Variants in KIAA1217 observed in about 807,000 individuals in gnomAD.
The protein encoded by KIAA1217 is KIAA1217.
A neutral mutation model predicts 163.9 loss-of-function variants in KIAA1217; 88 were observed. The ratio of observed to expected loss-of-function variants is 0.54; its 90% CI spans 0.45 to 0.64. The LOEUF (loss-of-function observed/expected upper bound fraction) is 0.64, where lower values mean the gene tolerates loss of function less well. KIAA1217 is among the 30% of genes least tolerant of loss of function. The pLI is 0.00. For synonymous variants in KIAA1217, 903 were observed against 923.1 expected (o/e 0.98, Z 0.39); for missense variants, 2,372 against 2,475.0 (o/e 0.96, Z 0.88).
At chr10:24,416,331 G>A (rs965558698) in intron 3 of KIAA1217, among the ~76,000 whole-genome samples, 3 of 152,136 alleles carry the variant, frequency 2.0e-5, no homozygotes, top group Non-Finnish European at 4.4e-5. Context: ...GGGTACTCAG[G>A]TATCCACCTC....
intron 3 of KIAA1217, among the ~76,000 whole-genome samples, chr10:24,393,680 G>A (rs1488280167): frequency 2.6e-5 from 4 of 151,960 alleles, no homozygotes; most frequent in Non-Finnish European, 2.9e-5. Flanking sequence ...GTCTTAATCC[G>A]ATATGACTGG....
Position 24,473,952 on chromosome 10 carries a change from C to A in KIAA1217, c.1571C>A (p.Pro524Gln). ...EPGTLVYIEK[P>Q]RSAAGLSSLV... ...GGCACCTTGGTGTATATAGAAAAGC[C>A]ACGGAGCGCTGCAGGATTATCCAGC... The change falls in exon 6 of 21, where the codon CCA (proline) becomes CAA (glutamine). Residue 524 changes from proline to glutamine, a missense_variant. Pro to Gln is a moderately conservative substitution (Grantham distance 76). Coordinates refer to ENST00000376454, the MANE Select transcript of KIAA1217 (RefSeq NM_019590.5). 6.2e-7 allele frequency: 1 copy of A among 1,614,192 alleles called. No homozygotes were observed. The highest frequency in any genetic ancestry group is 8.5e-7 in the Non-Finnish European group (1 of 1,180,048).
At chr10:24,010,270 T>G (rs2131487866) in intron 2 of KIAA1217, among the ~76,000 whole-genome samples, 1 of 152,146 alleles carries the variant, frequency 6.6e-6, no homozygotes, top group Middle Eastern at 3.4e-3. Flanking sequence ...CCCTGAGATC[T>G]TTTGTTCTTG....
At chr10:23,952,735 A>G (rs1844396270) in intron 1 of KIAA1217, among the ~76,000 whole-genome samples, 2 of 152,224 alleles carry the variant, frequency 1.3e-5, no homozygotes, top group Non-Finnish European at 2.9e-5. Context: ...AACAAATGAG[A>G]TGTATGTCAA....
At chr10:24,367,816 T>C (rs967736264) in intron 2 of KIAA1217, among the ~76,000 whole-genome samples, 4 of 152,236 alleles carry the variant, frequency 2.6e-5, no homozygotes, top group African/African-American at 7.2e-5. Flanking sequence ...GGAGGTATAC[T>C]ATGATCCCCA....
intron 1 of KIAA1217, among the ~76,000 whole-genome samples, chr10:23,979,753 TC>T (rs1845689242): frequency 6.6e-6 from 1 of 152,120 alleles, no homozygotes; most frequent in Non-Finnish European, 1.5e-5. Context: ...GCAAGATTAC[TC>T]TCTCCCCTCA....
chr10:24,446,756 C>T (rs2060968730), intron 5 of KIAA1217, among the ~76,000 whole-genome samples: 1 of 152,222 alleles, frequency 6.6e-6, no homozygotes, highest in African/African-American at 2.4e-5. Context: ...ATTTGATTTT[C>T]ACACCTATAC....
chr10:24,051,493 A>G (rs539531391), intron 2 of KIAA1217, among the ~76,000 whole-genome samples: 1 of 152,272 alleles, frequency 6.6e-6, no homozygotes, highest in South Asian at 2.1e-4. Flanking sequence ...TTTTCTGTAG[A>G]GATTCCACTA....
intron 4 of KIAA1217, among the ~76,000 whole-genome samples, chr10:24,434,597 A>G (rs531572868): frequency 1.3e-5 from 2 of 152,302 alleles, no homozygotes; most frequent in African/African-American, 2.4e-5. Flanking sequence ...CGGACTCCCA[A>G]ATGGTTGGGA....
At chr10:23,974,943 G>A (rs142870905) in intron 1 of KIAA1217, among the ~76,000 whole-genome samples, 113 of 152,018 alleles carry the variant, frequency 7.4e-4, no homozygotes, top group East Asian at 4.3e-3. Context: ...AATATTTATG[G>A]CTCTTTTTCA....
chr10:23,854,249 G>T (rs147661769), intron 1 of KIAA1217, among the ~76,000 whole-genome samples: 34,948 of 151,900 alleles, frequency 0.23, 4,405 homozygotes, highest in African/African-American at 0.33. Context: ...ACATCTATAT[G>T]TCTGCCTTCA....
intron 3 of KIAA1217, among the ~76,000 whole-genome samples, chr10:24,423,492 C>T (rs2058926062): frequency 6.7e-6 from 1 of 150,014 alleles, no homozygotes; most frequent in Admixed American, 6.7e-5. Flanking sequence ...GGGAGTCTTG[C>T]TCTGTCGCCC....
intron 1 of KIAA1217, among the ~76,000 whole-genome samples, chr10:23,731,635 C>T (rs1332812011): frequency 6.6e-6 from 1 of 152,130 alleles, no homozygotes; most frequent in African/African-American, 2.4e-5. Flanking sequence ...GAACCCCCAT[C>T]CCATCATTTT....
At chr10:24,232,094 C>T (rs181379211) in intron 2 of KIAA1217, among the ~76,000 whole-genome samples, 1 of 152,220 alleles carries the variant, frequency 6.6e-6, no homozygotes, top group East Asian at 1.9e-4. Flanking sequence ...TGCACGTGGC[C>T]GAGGACTGAC....
chr10:24,302,886 G>C (rs765452972), intron 2 of KIAA1217, among the ~76,000 whole-genome samples: 6 of 150,540 alleles, frequency 4.0e-5, no homozygotes, highest in Non-Finnish European at 7.4e-5. Context: ...TAGGTGGGGT[G>C]GCAGGATGGC....
chr10:24,264,797 C>G (rs200400433), intron 2 of KIAA1217, among the ~76,000 whole-genome samples: 1 of 143,628 alleles, frequency 7.0e-6, no homozygotes, highest in Admixed American at 7.4e-5. Context: ...CTCTCTCTCT[C>G]TCTCTCATTC....
chr10:23,711,572 G>A (rs1027568471), intron 1 of KIAA1217, among the ~76,000 whole-genome samples: 1 of 152,190 alleles, frequency 6.6e-6, no homozygotes, highest in Non-Finnish European at 1.5e-5. Context: ...TAGTAAGTGT[G>A]TGATTTCTTA....
At chr10:24,259,352 C>T (rs574846731) in intron 2 of KIAA1217, among the ~76,000 whole-genome samples, 1 of 152,248 alleles carries the variant, frequency 6.6e-6, no homozygotes, top group South Asian at 2.1e-4. Context: ...GGTTCATATA[C>T]CTGTAACTTC....
At chr10:24,216,209 T>C (rs1311339572) in intron 1 of KIAA1217, among the ~76,000 whole-genome samples, 1 of 152,088 alleles carries the variant, frequency 6.6e-6, no homozygotes, top group African/African-American at 2.4e-5. Context: ...CCATCTCCCT[T>C]CCCAACTCAT....
Sources: allele counts gnomAD v4.1 joint callset (sites outside exome capture counted in the v4.1 genomes callset), GRCh38; gene constraint gnomAD v4.1.1; transcripts MANE v1.5; gene names NCBI Gene and HGNC (gene_info 2026-07-23, HGNC 2026-07-21).